CECR2: variants seen among roughly 807,000 people sequenced by gnomAD.
CECR2 encodes the protein CECR2 histone acetyl-lysine reader, also known as chromatin remodeling regulator CECR2.
Under a neutral mutation model 154.5 loss-of-function variants are expected in CECR2, and 30 were observed. The observed-to-expected ratio is 0.19, with a 90% CI of 0.15 to 0.26. The LOEUF is 0.26. CECR2 is among the 10% of genes least tolerant of loss of function. The probability of loss-of-function intolerance (pLI) is 1.00; values close to 1 mark genes in which losing one functional copy is unlikely to be tolerated. For synonymous variants in CECR2, 725 were observed against 683.7 expected (o/e 1.06, Z -0.94); for missense variants, 1,743 against 1,829.3 (o/e 0.95, Z 0.86).
At chr22:17,409,813 A>G (rs2054038384) in intron 1 of CECR2, among the ~76,000 whole-genome samples, 1 of 111,090 alleles carries the variant, frequency 9.0e-6, no homozygotes, top group African/African-American at 3.0e-5. Flanking sequence ...GAATTGTCCT[A>G]TACATAGTAG....
rs563207952 is a variant in CECR2, at chr22:17,558,125, G to A, written c.*5285G>A. 6.6e-6 allele frequency: 1 copy of A among 152,190 alleles called. No individual in the cohort carries two copies. The highest frequency in any genetic ancestry group is 2.1e-4 in the South Asian group (1 of 4,816). 9.4% of individuals were successfully genotyped at this position (152,190 alleles called of 1,614,324 possible). ...TATTTCCATATGAACTGGTTATTTT[G>A]TATAAAGTACATGCTTAAAATAGCA... On this transcript the variant is annotated 3_prime_UTR_variant, in exon 19 of 19. Transcript: ENST00000262608.
chr22:17,421,500 A>G (rs1292225528), intron 1 of CECR2, among the ~76,000 whole-genome samples: 3 of 150,138 alleles, frequency 2.0e-5, no homozygotes, highest in Admixed American at 6.7e-5. Flanking sequence ...CTGTAGTCCC[A>G]GCTACTTGGG....
chr22:17,435,684 T>TAAAA lies in CECR2; in HGVS notation c.127-41881_127-41878dup, dbSNP rs10694414. Among the ~76,000 whole-genome samples, 27 of 90,946 alleles carry TAAAA rather than the reference T, an allele frequency of 3.0e-4. 2 individuals carry two copies. The highest frequency in any genetic ancestry group is 7.2e-4 in the East Asian group (2 of 2,764). 59.7% of individuals were successfully genotyped at this position (90,946 alleles called of 152,430 possible). On this transcript the variant is annotated intron_variant, in intron 1 of 18. Transcript: ENST00000262608. Reference sequence around the variant, plus strand: ...GACTCCCTTGAGCTCTTTTAATTCTTAAAAAAAAAAAAAAAAAAAAAAAAA... The same window carrying TAAAA: ...GACTCCCTTGAGCTCTTTTAATTCTTAAAAAAAAAAAAAAAAAAAAAAAAAAAAA...
At chr22:17,434,256 G>A (rs986791249) in intron 1 of CECR2, among the ~76,000 whole-genome samples, 3 of 152,216 alleles carry the variant, frequency 2.0e-5, no homozygotes, top group African/African-American at 4.8e-5. Context: ...GGCCACTCAC[G>A]TTAAGTCAGC....
intron 1 of CECR2, among the ~76,000 whole-genome samples, chr22:17,427,070 C>T (rs566631359): frequency 1.3e-5 from 2 of 151,406 alleles, no homozygotes; most frequent in Non-Finnish European, 2.9e-5. Context: ...TCCAAGTGTT[C>T]TCATTGTTCA....
chr22:17,510,830 C>T (rs1378601331), intron 7 of CECR2, among the ~76,000 whole-genome samples: 4 of 152,158 alleles, frequency 2.6e-5, no homozygotes, highest in Admixed American at 6.5e-5. Context: ...TGGTCTTGAT[C>T]TCCTGACTTC....
At chr22:17,503,951 G>A (rs2055785704) in intron 6 of CECR2, among the ~76,000 whole-genome samples, 1 of 152,026 alleles carries the variant, frequency 6.6e-6, no homozygotes, top group Admixed American at 6.6e-5. Context: ...GGAGGCTGAG[G>A]CAGGAGAATC....
chr22:17,524,355 C>T (rs1325923561), intron 9 of CECR2, 84 bp downstream of exon 9: 18 of 1,471,132 alleles, frequency 1.2e-5, no homozygotes, highest in Non-Finnish European at 6.5e-6. Context: ...AAGCTAAGTC[C>T]TGCCATGCAT....
intron 1 of CECR2, among the ~76,000 whole-genome samples, chr22:17,394,030 G>T (rs1309226621): frequency 6.6e-6 from 1 of 151,504 alleles, no homozygotes; most frequent in Non-Finnish European, 1.5e-5. Context: ...TGGGATTACA[G>T]GCATGCAGCA....
intron 9 of CECR2, 90 bp downstream of exon 9, chr22:17,524,361 T>C (rs1221055055): frequency 2.2e-6 from 3 of 1,342,542 alleles, no homozygotes; most frequent in Admixed American, 2.4e-5. Context: ...AGTCCTGCCA[T>C]GCATCCAAGT....
At chr22:17,412,315 C>T (rs1409007442) in intron 1 of CECR2, among the ~76,000 whole-genome samples, 3 of 152,120 alleles carry the variant, frequency 2.0e-5, no homozygotes, top group Non-Finnish European at 4.4e-5. Context: ...TAATGTGATT[C>T]AGTCCAGTTG....
chr22:17,392,791 C>T (rs1232117587), intron 1 of CECR2, among the ~76,000 whole-genome samples: 1 of 152,126 alleles, frequency 6.6e-6, no homozygotes, highest in Admixed American at 6.5e-5. Context: ...CCTGTAGTCC[C>T]AGCACTTTGG....
At chr22:17,447,510 C>T (rs1365824907) in intron 1 of CECR2, among the ~76,000 whole-genome samples, 1 of 152,074 alleles carries the variant, frequency 6.6e-6, no homozygotes, top group African/African-American at 2.4e-5. Context: ...AGTACCACTG[C>T]ACTCCAGCCT....
chr22:17,537,025 C>T, intron 9 of CECR2, 78 bp from the exon 10 acceptor site: 1 of 1,539,726 alleles, frequency 6.5e-7, no homozygotes. Context: ...GTTCTTCCTT[C>T]TCTCACAGTG....
intron 1 of CECR2, among the ~76,000 whole-genome samples, chr22:17,382,095 T>G (rs542844670): frequency 3.4e-4 from 51 of 151,712 alleles, no homozygotes; most frequent in Non-Finnish European, 5.6e-4. Flanking sequence ...TTTCGCCGTG[T>G]TAGCCAGGAT....
intron 6 of CECR2, 36 bp from the exon 7 acceptor site, chr22:17,504,811 G>T (rs748470933): frequency 1.3e-6 from 2 of 1,572,136 alleles, no homozygotes; most frequent in South Asian, 2.2e-5. Flanking sequence ...GTCCTCATGG[G>T]ATCTCCTGTA....
At chr22:17,482,403 G>A (rs966283976) in intron 2 of CECR2, among the ~76,000 whole-genome samples, 10 of 152,100 alleles carry the variant, frequency 6.6e-5, no homozygotes, top group South Asian at 2.1e-4. Context: ...CAGCCTGGGC[G>A]ACAGAGCGAG....
intron 1 of CECR2, among the ~76,000 whole-genome samples, chr22:17,460,674 A>G: frequency 7.3e-6 from 1 of 137,492 alleles, no homozygotes; most frequent in South Asian, 2.1e-4. Context: ...CTTAGATTGT[A>G]TGGAGAGTCT....
chr22:17,435,764 T>C (rs2054497496), intron 1 of CECR2, among the ~76,000 whole-genome samples: 1 of 150,348 alleles, frequency 6.7e-6, no homozygotes, highest in South Asian at 2.1e-4. Context: ...TTTCTCATAG[T>C]CATCCCATCC....
Sources: gnomAD v4.1 joint callset for allele counts (sites outside exome capture counted in the v4.1 genomes callset) on GRCh38, gnomAD v4.1.1 for gene constraint, MANE v1.5 for transcripts, NCBI Gene and HGNC (gene_info 2026-07-23, HGNC 2026-07-21) for gene names.